FERRY3: variants seen among roughly 807,000 people sequenced by gnomAD.
The protein encoded by FERRY3 is protein C12orf4.
chr12:4,490,572 C>A, the FERRY3 span: 8 of 1,609,676 alleles, frequency 5.0e-6, no homozygotes, highest in Non-Finnish European at 3.4e-6. Context: ...TCCCATGAAG[C>A]CATTTCCATC....
chr12:4,528,965 ACT>A, the FERRY3 span, among the ~76,000 whole-genome samples: 1 of 151,532 alleles, frequency 6.6e-6, no homozygotes, highest in Non-Finnish European at 1.5e-5. Context: ...GTCCTAATAT[ACT>A]CTCACAATCA....
chr12:4,510,838 T>C, the FERRY3 span, among the ~76,000 whole-genome samples: 1 of 150,926 alleles, frequency 6.6e-6, no homozygotes, highest in African/African-American at 2.4e-5. Context: ...CTGCATCAAC[T>C]AACGAGCAAA....
chr12:4,503,415 T>G, the FERRY3 span, among the ~76,000 whole-genome samples: 1 of 152,350 alleles, frequency 6.6e-6, no homozygotes, highest in African/African-American at 2.4e-5. Context: ...AAGGTTATTA[T>G]GAGAATTAGA....
the FERRY3 span, among the ~76,000 whole-genome samples, chr12:4,534,686 AG>A: frequency 6.6e-6 from 1 of 152,178 alleles, no homozygotes; most frequent in Non-Finnish European, 1.5e-5. Context: ...TACAGGTGTG[AG>A]CCACCTTGCC....
chr12:4,500,148 T>C, the FERRY3 span: 12 of 1,612,870 alleles, frequency 7.4e-6, no homozygotes, highest in Admixed American at 1.7e-4. Context: ...CTCTGACATA[T>C]CATGTACCAG....
At chr12:4,527,912 G>GAA in the FERRY3 span, among the ~76,000 whole-genome samples, 1 of 147,352 alleles carries the variant, frequency 6.8e-6, no homozygotes. Context: ...ACTATTCCAT[G>GAA]AAAAAAAAAA....
the FERRY3 span, among the ~76,000 whole-genome samples, chr12:4,533,411 G>C: frequency 5.9e-5 from 9 of 152,068 alleles, no homozygotes; most frequent in Admixed American, 1.3e-4. Flanking sequence ...CACATGCTTA[G>C]AGTCAGTGAA....
At chr12:4,530,148 TGACA>T in the FERRY3 span, 40 of 1,057,276 alleles carry the variant, frequency 3.8e-5, no homozygotes, top group Non-Finnish European at 5.3e-5. Context: ...TGCACTTCAA[TGACA>T]GAAAGACCCT....
the FERRY3 span, among the ~76,000 whole-genome samples, chr12:4,537,841 C>A: frequency 2.6e-4 from 39 of 152,146 alleles, no homozygotes; most frequent in African/African-American, 9.2e-4. Flanking sequence ...AAGTATATAT[C>A]CAAATACACA....
chr12:4,535,985 T>G, the FERRY3 span: 4 of 1,477,078 alleles, frequency 2.7e-6, no homozygotes, highest in South Asian at 5.5e-5. This position sits in a 1 kb window ranked among gnomAD's most constrained non-coding sequence, Gnocchi z 4.0. Context: ...ACTAATAAAG[T>G]GGTGTTACTT....
chr12:4,519,729 C>T, the FERRY3 span, among the ~76,000 whole-genome samples: 3 of 152,204 alleles, frequency 2.0e-5, no homozygotes, highest in Non-Finnish European at 2.9e-5. The surrounding 1 kb of genome is among the most constrained non-coding windows in gnomAD (Gnocchi z 4.3). Flanking sequence ...TGAGCATTAC[C>T]ACCTGAGCTC....
the FERRY3 span, among the ~76,000 whole-genome samples, chr12:4,533,366 A>G: frequency 6.6e-6 from 1 of 152,168 alleles, no homozygotes; most frequent in Admixed American, 6.5e-5. Context: ...GAACTTCTTC[A>G]GTTAGTATAC....
the FERRY3 span, chr12:4,489,117 C>T: frequency 2.6e-5 from 4 of 152,542 alleles, no homozygotes; most frequent in African/African-American, 9.7e-5. Context: ...AACTTGACAT[C>T]AAGCTTGCAA....
At chr12:4,503,920 T>A in the FERRY3 span, among the ~76,000 whole-genome samples, 1 of 152,214 alleles carries the variant, frequency 6.6e-6, no homozygotes, top group Admixed American at 6.5e-5. Flanking sequence ...TGGCAAATTT[T>A]AAGAAAGCCA....
the FERRY3 span, among the ~76,000 whole-genome samples, chr12:4,520,171 A>C: frequency 6.6e-6 from 1 of 152,224 alleles, no homozygotes; most frequent in Non-Finnish European, 1.5e-5. Context: ...TCAAGTTAGA[A>C]TAGGTCGGAG....
At chr12:4,526,417 T>G in the FERRY3 span, among the ~76,000 whole-genome samples, 1 of 152,206 alleles carries the variant, frequency 6.6e-6, no homozygotes, top group African/African-American at 2.4e-5. Flanking sequence ...AATTAAAGAT[T>G]ATCTTCTAAT....
At chr12:4,488,995 T>C in the FERRY3 span, 1 of 152,318 alleles carries the variant, frequency 6.6e-6, no homozygotes, top group African/African-American at 2.4e-5. The surrounding 1 kb of genome is among the most constrained non-coding windows in gnomAD (Gnocchi z 4.9). Context: ...GGTAGAGGAA[T>C]GGTTAAGCAA....
the FERRY3 span, among the ~76,000 whole-genome samples, chr12:4,526,708 A>G: frequency 6.6e-6 from 1 of 151,844 alleles, no homozygotes; most frequent in East Asian, 1.9e-4. Flanking sequence ...TGGGCATGGT[A>G]GCGGGCGCCT....
chr12:4,493,965 C>T, the FERRY3 span, among the ~76,000 whole-genome samples: 3 of 151,980 alleles, frequency 2.0e-5, no homozygotes, highest in Non-Finnish European at 2.9e-5. Flanking sequence ...TGATGGTGGG[C>T]GCCTGTAATC....
Sources: allele counts gnomAD v4.1 joint callset (sites outside exome capture counted in the v4.1 genomes callset), GRCh38; gene constraint gnomAD v4.1.1; non-coding constraint Gnocchi (gnomAD v3.1); transcripts MANE v1.5; gene names NCBI Gene and HGNC (gene_info 2026-07-23, HGNC 2026-07-21).